PPP3CA: variants seen among roughly 807,000 people sequenced by gnomAD.
The protein encoded by PPP3CA is CAM-PRP catalytic subunit.
A neutral mutation model predicts 66.5 loss-of-function variants in PPP3CA; 14 were observed. The observed-to-expected ratio is 0.21, with a 90% CI of 0.14 to 0.33. The LOEUF (loss-of-function observed/expected upper bound fraction) is 0.33, where lower values mean the gene tolerates loss of function less well. PPP3CA is among the 10% of genes least tolerant of loss of function. PPP3CA has a pLI of 1.00. For missense variants in PPP3CA, 317 were observed against 639.5 expected (o/e 0.50, Z 5.44); for synonymous variants, 232 against 226.2 (o/e 1.03, Z -0.23).
At chr4:101,169,547 T>G (rs4590038) in intron 2 of PPP3CA, among the ~76,000 whole-genome samples, 74,249 of 151,974 alleles carry the variant, frequency 0.49, 19,527 homozygotes, top group Middle Eastern at 0.63. Context: ...TAATGGCACA[T>G]ATATGCTAAA....
At chr4:101,246,613 GA>G (rs748305180) in intron 1 of PPP3CA, among the ~76,000 whole-genome samples, 1 of 152,032 alleles carries the variant, frequency 6.6e-6, no homozygotes, top group Non-Finnish European at 1.5e-5. Flanking sequence ...ATATAAACAA[GA>G]AAATAGCCTC....
chr4:101,050,270 T>C (rs553625201), intron 10 of PPP3CA, among the ~76,000 whole-genome samples: 1 of 152,276 alleles, frequency 6.6e-6, no homozygotes, highest in Non-Finnish European at 1.5e-5. Flanking sequence ...GTACTGTCCA[T>C]GGGCCAAATG....
rs557096685 is a variant in PPP3CA at position 101,285,285 on chromosome 4, T to C, written c.58+61454A>G. On this transcript the variant is annotated intron_variant, in intron 1 of 13. Transcript: ENST00000394854. ...CTTAACTTGCTTTCCTTTAATCATA[T>C]CTTATCAAGTAGTAGAAGAGGAGAT... 2.2e-4 allele frequency among the ~76,000 whole-genome samples: 33 copies of C among 152,292 alleles called. No homozygotes were observed. The South Asian group carries it at 6.8e-3, about 32-fold the overall frequency.
intron 2 of PPP3CA, among the ~76,000 whole-genome samples, chr4:101,192,070 G>A (rs1724623375): frequency 6.6e-6 from 1 of 152,188 alleles, no homozygotes; most frequent in Non-Finnish European, 1.5e-5. Context: ...AATGTTCTCT[G>A]CTAAGTGAAA....
At chr4:101,200,408 C>T (rs1343501402) in intron 1 of PPP3CA, among the ~76,000 whole-genome samples, 1 of 152,048 alleles carries the variant, frequency 6.6e-6, no homozygotes, top group African/African-American at 2.4e-5. Flanking sequence ...TATATGGTAT[C>T]AATCAGTAGA....
intron 6 of PPP3CA, among the ~76,000 whole-genome samples, chr4:101,090,290 T>C (rs1035553578): frequency 6.6e-6 from 1 of 152,218 alleles, no homozygotes; most frequent in African/African-American, 2.4e-5. Context: ...GATTTAGATA[T>C]TCAGCTATTC....
chr4:101,214,641 C>T, intron 1 of PPP3CA, among the ~76,000 whole-genome samples: 1 of 152,020 alleles, frequency 6.6e-6, no homozygotes, highest in East Asian at 1.9e-4. Flanking sequence ...AAACTAACTC[C>T]TCCCACAGCA....
intron 2 of PPP3CA, among the ~76,000 whole-genome samples, chr4:101,116,253 C>A (rs558058652): frequency 6.6e-6 from 1 of 151,954 alleles, no homozygotes; most frequent in African/African-American, 2.4e-5. Context: ...CATTGGAGTT[C>A]CTCACTACTT....
At chr4:101,144,772 C>A (rs145894748) in intron 2 of PPP3CA, among the ~76,000 whole-genome samples, 9 of 152,236 alleles carry the variant, frequency 5.9e-5, no homozygotes, top group African/African-American at 1.9e-4. Context: ...CCACTTCAAT[C>A]TACTGTTAGA....
At chr4:101,308,437 C>G (rs1021379376) in intron 1 of PPP3CA, among the ~76,000 whole-genome samples, 1 of 151,998 alleles carries the variant, frequency 6.6e-6, no homozygotes, top group Admixed American at 6.6e-5. Context: ...ACAAAATCCC[C>G]TTACATGTAA....
At chr4:101,112,190 GA>G (rs987166772) in intron 2 of PPP3CA, among the ~76,000 whole-genome samples, 1 of 150,002 alleles carries the variant, frequency 6.7e-6, no homozygotes, top group African/African-American at 2.4e-5. Context: ...CAGCCAGAAT[GA>G]AAAAAAAATG....
chr4:101,304,059 CTTTG>C (rs1728462108), intron 1 of PPP3CA, among the ~76,000 whole-genome samples: 1 of 151,890 alleles, frequency 6.6e-6, no homozygotes, highest in Non-Finnish European at 1.5e-5. Flanking sequence ...AGTATTTTGC[CTTTG>C]TTTATGGTGT....
chr4:101,040,806 G>A (rs1727483854), intron 10 of PPP3CA, among the ~76,000 whole-genome samples: 1 of 152,156 alleles, frequency 6.6e-6, no homozygotes, highest in Non-Finnish European at 1.5e-5. Context: ...ATCCAGAGGG[G>A]AGGTGAGTAA....
At chr4:101,030,140 G>GTCTT (rs1282332888) in intron 12 of PPP3CA, among the ~76,000 whole-genome samples, 3 of 152,064 alleles carry the variant, frequency 2.0e-5, no homozygotes, top group Non-Finnish European at 4.4e-5. Context: ...AAGTATATGA[G>GTCTT]TCTTTCTATG....
intron 2 of PPP3CA, among the ~76,000 whole-genome samples, chr4:101,162,453 C>T (rs1293457711): frequency 1.3e-5 from 2 of 151,672 alleles, no homozygotes; most frequent in African/African-American, 2.4e-5. Flanking sequence ...TTGCTTGAAC[C>T]TGGGAAGCAG....
At chr4:101,228,219 CT>C (rs1252452002) in intron 1 of PPP3CA, among the ~76,000 whole-genome samples, 1 of 151,696 alleles carries the variant, frequency 6.6e-6, no homozygotes, top group East Asian at 1.9e-4. Flanking sequence ...AAACAGAACT[CT>C]CTTTGAAATC....
At chr4:101,233,684 T>A (rs1478261820) in intron 1 of PPP3CA, among the ~76,000 whole-genome samples, 1 of 151,466 alleles carries the variant, frequency 6.6e-6, no homozygotes, top group Non-Finnish European at 1.5e-5. Flanking sequence ...CATGATTAAA[T>A]ATTTAATTCA....
intron 1 of PPP3CA, among the ~76,000 whole-genome samples, chr4:101,224,784 T>C (rs1161054894): frequency 6.6e-6 from 1 of 151,820 alleles, no homozygotes; most frequent in Non-Finnish European, 1.5e-5. Context: ...ACACAAAGCA[T>C]GGTTAGGGTT....
intron 1 of PPP3CA, among the ~76,000 whole-genome samples, chr4:101,267,919 T>G (rs1727219657): frequency 6.6e-6 from 1 of 152,142 alleles, no homozygotes; most frequent in South Asian, 2.1e-4. Flanking sequence ...TTAGTTGAAA[T>G]AAATAATTTC....
Sources: allele counts gnomAD v4.1 joint callset (sites outside exome capture counted in the v4.1 genomes callset), GRCh38; gene constraint gnomAD v4.1.1; transcripts MANE v1.5; gene names NCBI Gene and HGNC (gene_info 2026-07-23, HGNC 2026-07-21).